The following RHOU variants were observed in gnomAD, a reference collection of about 807,000 sequenced individuals.
RHOU encodes ras homolog family member U, also known as rho-related GTP-binding protein RhoU.
In RHOU, 8 loss-of-function variants were observed where a neutral mutation model predicts 12.6. That is an observed-to-expected ratio of 0.64 (90% confidence interval 0.37 to 1.15). The LOEUF (loss-of-function observed/expected upper bound fraction) is 1.15. RHOU is among the 50% of genes most tolerant of loss of function. RHOU has a pLI of 0.01. For missense variants in RHOU, 258 were observed against 347.0 expected (o/e 0.74, Z 2.04); for synonymous variants, 161 against 147.4 (o/e 1.09, Z -0.67).
At chr1:228,726,641 G>T in the RHOU span, among the ~76,000 whole-genome samples, 7 of 148,558 alleles carry the variant, frequency 4.7e-5, no homozygotes, top group Admixed American at 4.7e-4. Flanking sequence ...ATCCAGCCTG[G>T]CCAAGACAGT....
the RHOU span, among the ~76,000 whole-genome samples, chr1:228,646,835 C>G: frequency 2.6e-5 from 4 of 152,074 alleles, no homozygotes; most frequent in Admixed American, 1.3e-4. Flanking sequence ...CACAGACACA[C>G]ACGGCTTGAA....
the RHOU span, among the ~76,000 whole-genome samples, chr1:228,663,176 AT>A: frequency 2.6e-5 from 4 of 152,232 alleles, no homozygotes; most frequent in Non-Finnish European, 5.9e-5. Context: ...GCACTCATTC[AT>A]TTATGTATCT....
In RHOU at chr1:228,743,793, C is replaced by T. The variant is rs1571892323; in HGVS notation, c.*53C>T. The T allele has an allele frequency of 4.0e-6, 6 of 1,492,668 alleles. No individual in the cohort carries two copies. The East Asian group carries it at 1.4e-4, about 34-fold the overall frequency. 92.5% of individuals were successfully genotyped at this position (1,492,668 alleles called of 1,614,324 possible). ...TTTCAGATGAAATCGATATTAGAAG[C>T]TATATTAGCTGAAACAACTCCTTTT... On this transcript the variant is annotated 3_prime_UTR_variant, in exon 3 of 3. Coordinates refer to ENST00000366691, the MANE Select transcript of RHOU (RefSeq NM_021205.6). The surrounding 1 kb of genome is among the most constrained non-coding windows in gnomAD (Gnocchi z 5.1).
At chr1:228,694,129 A>C in the RHOU span, among the ~76,000 whole-genome samples, 1 of 152,248 alleles carries the variant, frequency 6.6e-6, no homozygotes, top group Admixed American at 6.5e-5. Context: ...AGCTATTGTT[A>C]CAGCTCAGAG....
the RHOU span, among the ~76,000 whole-genome samples, chr1:228,670,778 A>G: frequency 5.9e-5 from 9 of 152,152 alleles, no homozygotes; most frequent in African/African-American, 2.2e-4. Flanking sequence ...TGCCGTTCTC[A>G]TGATAGTGAG....
the RHOU span, among the ~76,000 whole-genome samples, chr1:228,652,798 T>C: frequency 1.7e-4 from 26 of 152,222 alleles, no homozygotes; most frequent in African/African-American, 6.0e-4. Flanking sequence ...AAAATACTGA[T>C]GGCTCTTTAC....
At chr1:228,704,791 G>T in the RHOU span, among the ~76,000 whole-genome samples, 2 of 151,808 alleles carry the variant, frequency 1.3e-5, no homozygotes, top group African/African-American at 4.8e-5. Flanking sequence ...CTTTTATAAA[G>T]AATTTTTTGT....
At chr1:228,671,502 A>G in the RHOU span, among the ~76,000 whole-genome samples, 1 of 151,882 alleles carries the variant, frequency 6.6e-6, no homozygotes, top group Non-Finnish European at 1.5e-5. Flanking sequence ...GGATTACGTT[A>G]GGTCAGGAGT....
At chr1:228,667,075 T>C in the RHOU span, among the ~76,000 whole-genome samples, 2 of 152,220 alleles carry the variant, frequency 1.3e-5, no homozygotes, top group African/African-American at 4.8e-5. Context: ...GGAAATAGCT[T>C]TCCTTGTAGT....
the RHOU span, chr1:228,650,515 T>A: frequency 2.2e-6 from 1 of 456,626 alleles, no homozygotes; most frequent in Non-Finnish European, 4.4e-6. Context: ...CTAGGGGAGC[T>A]GCCACGGGCA....
At chr1:228,712,332 A>C in the RHOU span, among the ~76,000 whole-genome samples, 1 of 149,022 alleles carries the variant, frequency 6.7e-6, no homozygotes, top group African/African-American at 2.5e-5. Context: ...AGGACTATAA[A>C]TCATGCTGCT....
At chr1:228,646,819 G>A in the RHOU span, among the ~76,000 whole-genome samples, 4 of 151,844 alleles carry the variant, frequency 2.6e-5, no homozygotes, top group African/African-American at 7.2e-5. Flanking sequence ...CACACACACG[G>A]TGAAACACAG....
chr1:228,719,624 G>A, the RHOU span, among the ~76,000 whole-genome samples: 369 of 152,226 alleles, frequency 2.4e-3, 3 homozygotes, highest in African/African-American at 8.4e-3. Flanking sequence ...CAGCTACTTG[G>A]GAGGCTAAGG....
At chr1:228,680,336 C>T in the RHOU span, among the ~76,000 whole-genome samples, 4 of 152,070 alleles carry the variant, frequency 2.6e-5, no homozygotes, top group Non-Finnish European at 5.9e-5. Context: ...AGACAGGGCA[C>T]GGCTCAGGAG....
chr1:228,721,238 G>A, the RHOU span, among the ~76,000 whole-genome samples: 2 of 152,258 alleles, frequency 1.3e-5, no homozygotes, highest in African/African-American at 4.8e-5. Flanking sequence ...GGAGGCGAAG[G>A]TTGCAGTGAG....
chr1:228,703,893 C>T, the RHOU span, among the ~76,000 whole-genome samples: 1 of 152,156 alleles, frequency 6.6e-6, no homozygotes, highest in Non-Finnish European at 1.5e-5. Context: ...GGCACCCTGC[C>T]TCCCATTTCA....
chr1:228,707,184 T>A, the RHOU span, among the ~76,000 whole-genome samples: 3 of 86,264 alleles, frequency 3.5e-5, no homozygotes, highest in Admixed American at 1.7e-4. Context: ...ATTAACAAAA[T>A]ATATATATAT....
In RHOU at chr1:228,745,499, A is replaced by T. The variant is rs1662810082; in HGVS notation, c.*1759A>T. 6.6e-6 allele frequency: 1 copy of T among 152,256 alleles called. No individual in the cohort carries two copies. The highest frequency in any genetic ancestry group is 6.5e-5 in the Admixed American group (1 of 15,290). 9.4% of individuals were successfully genotyped at this position (152,256 alleles called of 1,614,324 possible). On this transcript the variant is annotated 3_prime_UTR_variant, in exon 3 of 3. Coordinates refer to ENST00000366691, the MANE Select transcript of RHOU (RefSeq NM_021205.6). ...ATACTTTAGGTTAGGGGTTCTATTTATTCCTGTTAGTAAATAAAATTAACA... is the reference window on the plus strand; with the variant it reads ...ATACTTTAGGTTAGGGGTTCTATTTTTTCCTGTTAGTAAATAAAATTAACA...
the RHOU span, among the ~76,000 whole-genome samples, chr1:228,679,762 G>A: frequency 2.0e-5 from 3 of 152,014 alleles, no homozygotes; most frequent in African/African-American, 7.3e-5. Flanking sequence ...GTTTTAATGG[G>A]ATGGTAAGGG....
Sources: gnomAD v4.1 joint callset for allele counts (sites outside exome capture counted in the v4.1 genomes callset) on GRCh38, gnomAD v4.1.1 for gene constraint, Gnocchi (gnomAD v3.1) non-coding constraint, MANE v1.5 for transcripts, NCBI Gene and HGNC (gene_info 2026-07-23, HGNC 2026-07-21) for gene names.